The following TNS3 variants were observed in gnomAD, a reference collection of about 807,000 sequenced individuals.
TNS3 encodes tensin 3.
Under a neutral mutation model 140.9 loss-of-function variants are expected in TNS3, and 45 were observed. The ratio of observed to expected loss-of-function variants is 0.32; its 90% CI spans 0.25 to 0.41. The LOEUF (loss-of-function observed/expected upper bound fraction) is 0.41. TNS3 is among the 10% of genes least tolerant of loss of function. TNS3 has a pLI of 1.00. For synonymous variants in TNS3, 815 were observed against 788.4 expected, an observed-to-expected ratio of 1.03 and a Z score of -0.56; for missense variants, 1,716 against 1,906.7, an observed-to-expected ratio of 0.90 and a Z score of 1.86.
At chr7:47,321,921 C>T (rs1787756853) in intron 20 of TNS3, among the ~76,000 whole-genome samples, 1 of 152,174 alleles carries the variant, frequency 6.6e-6, no homozygotes. Context: ...GGGGGACCCA[C>T]TGCTGAAGCT....
At chr7:47,472,568 A>G (rs938816881) in intron 4 of TNS3, among the ~76,000 whole-genome samples, 1 of 151,986 alleles carries the variant, frequency 6.6e-6, no homozygotes. Flanking sequence ...GTGGCCCTAA[A>G]CTTGCTCCCT....
intron 2 of TNS3, among the ~76,000 whole-genome samples, chr7:47,518,679 ATAAATAAG>A (rs1348929227): frequency 6.6e-6 from 1 of 152,330 alleles, no homozygotes. Flanking sequence ...AAGAATATAA[ATAAATAAG>A]TAAATAAATA....
At position 47,415,101 on chromosome 7, in the gene TNS3, T is replaced by C. The variant is rs557563716; in HGVS notation, c.579A>G (p.Thr193=). 6 of 1,610,742 alleles carry C rather than the reference T, an allele frequency of 3.7e-6. No individual in the cohort carries two copies. In the Admixed American group the frequency reaches 1.0e-4, roughly 27 times the overall value. The change falls in exon 11 of 31, where the codon ACA becomes ACG. Residue 193 remains threonine, a synonymous_variant. Coordinates refer to ENST00000311160, the MANE Select transcript of TNS3 (RefSeq NM_022748.12). ...VILHGTPNFD[T]GGVCRPFLKL... ...GTCATAGGGGACACTCACCTCCACC[T>C]GTGTCGAAGTTGGGGGTGCCGTGGA...
chr7:47,316,165 A>C (rs1299495566), intron 20 of TNS3, among the ~76,000 whole-genome samples: 1 of 140,514 alleles, frequency 7.1e-6, no homozygotes, highest in African/African-American at 2.7e-5. Context: ...CCTCCCTCCT[A>C]GTCACATCCC....
intron 1 of TNS3, among the ~76,000 whole-genome samples, chr7:47,535,822 T>G (rs757628824): frequency 2.0e-5 from 3 of 152,242 alleles, no homozygotes; most frequent in Non-Finnish European, 4.4e-5. Flanking sequence ...TTCTCCCGGC[T>G]AAAGGTCGCC....
intron 20 of TNS3, among the ~76,000 whole-genome samples, chr7:47,325,888 G>A (rs549399137): frequency 6.6e-6 from 1 of 152,280 alleles, no homozygotes; most frequent in South Asian, 2.1e-4. Context: ...AAACAGAAGG[G>A]TAGAGGAGAG....
chr7:47,361,206 C>CAGAAAA (rs1790298446), intron 17 of TNS3, among the ~76,000 whole-genome samples: 1 of 47,154 alleles, frequency 2.1e-5, no homozygotes, highest in East Asian at 5.9e-4. Context: ...GTAACCATGC[C>CAGAAAA]AAAAAAAAAA....
At chr7:47,373,475 G>A (rs754279421) in intron 16 of TNS3, among the ~76,000 whole-genome samples, 9 of 152,122 alleles carry the variant, frequency 5.9e-5, no homozygotes, top group Admixed American at 2.0e-4. Context: ...CCTTGCATCC[G>A]CTCCCTGGGC....
At chr7:47,313,098 C>T (rs1787200600) in intron 20 of TNS3, among the ~76,000 whole-genome samples, 1 of 152,092 alleles carries the variant, frequency 6.6e-6, no homozygotes, top group Admixed American at 6.5e-5. Context: ...GCAGGAGGAC[C>T]CACAGGGAGA....
At chr7:47,474,700 A>G (rs1421899261) in intron 4 of TNS3, among the ~76,000 whole-genome samples, 1 of 148,142 alleles carries the variant, frequency 6.8e-6, no homozygotes, top group East Asian at 2.0e-4. Context: ...CATAATACAC[A>G]CAACACACAC....
intron 13 of TNS3, among the ~76,000 whole-genome samples, chr7:47,409,285 AG>A (rs1324751165): frequency 1.3e-5 from 2 of 150,344 alleles, no homozygotes; most frequent in African/African-American, 5.0e-5. Context: ...GCCTGGTCTC[AG>A]GAAGACCCTG....
intron 17 of TNS3, among the ~76,000 whole-genome samples, chr7:47,359,928 C>T (rs751643758): frequency 6.6e-6 from 1 of 152,124 alleles, no homozygotes; most frequent in Non-Finnish European, 1.5e-5. Flanking sequence ...TCCCAGAAGG[C>T]CCAGATAGCA....
At chr7:47,466,126 C>T (rs1457383887) in intron 4 of TNS3, among the ~76,000 whole-genome samples, 6 of 151,688 alleles carry the variant, frequency 4.0e-5, no homozygotes, top group African/African-American at 1.2e-4. Flanking sequence ...TAAAGTCTTA[C>T]GATGTTTATT....
chr7:47,358,146 C>CTT (rs201814404), intron 17 of TNS3, among the ~76,000 whole-genome samples: 2 of 147,904 alleles, frequency 1.4e-5, no homozygotes, highest in African/African-American at 4.9e-5. Flanking sequence ...AACACTTCAT[C>CTT]TTTTTTTTTT....
chr7:47,344,265 C>T (rs1049919395), intron 20 of TNS3, among the ~76,000 whole-genome samples: 1 of 152,116 alleles, frequency 6.6e-6, no homozygotes, highest in Non-Finnish European at 1.5e-5. Context: ...CAGACGGACG[C>T]GATCAGGCCA....
intron 20 of TNS3, among the ~76,000 whole-genome samples, chr7:47,335,252 C>T (rs1284457036): frequency 1.3e-5 from 2 of 152,270 alleles, no homozygotes; most frequent in Admixed American, 6.5e-5. Flanking sequence ...CTGCCACTGA[C>T]GCTCCCGCTT....
At chr7:47,306,578 A>AT (rs60884592) in intron 20 of TNS3, among the ~76,000 whole-genome samples, 17,491 of 147,806 alleles carry the variant, frequency 0.12, 1,309 homozygotes, top group African/African-American at 0.21. Flanking sequence ...ACCTTAGAGA[A>AT]TTTTTTTTTT....
intron 23 of TNS3, among the ~76,000 whole-genome samples, chr7:47,301,300 G>A (rs1437476651): frequency 6.6e-6 from 1 of 152,138 alleles, no homozygotes; most frequent in African/African-American, 2.4e-5. Flanking sequence ...AGGCACTGGA[G>A]GCATGGCCCT....
chr7:47,513,453 G>A (rs532415339), intron 2 of TNS3, among the ~76,000 whole-genome samples: 14 of 152,298 alleles, frequency 9.2e-5, no homozygotes, highest in East Asian at 3.9e-4. Flanking sequence ...ACAAGCATAA[G>A]CCACCTCACC....
Sources: gnomAD v4.1 joint callset for allele counts (sites outside exome capture counted in the v4.1 genomes callset) on GRCh38, gnomAD v4.1.1 for gene constraint, MANE v1.5 for transcripts, NCBI Gene and HGNC (gene_info 2026-07-23, HGNC 2026-07-21) for gene names.